The following CES5A variants were observed in gnomAD, a reference collection of about 807,000 sequenced individuals.
CES5A encodes carboxylesterase 5A, also known as carboxylesterase 5.
In CES5A, 67 loss-of-function variants were observed where a neutral mutation model predicts 62.9. That is an observed-to-expected ratio of 1.07 (90% CI 0.88 to 1.31). CES5A has a LOEUF of 1.31. Among genes scored for constraint, CES5A ranks in the 50% most tolerant of loss-of-function variants. The pLI is 0.00. For synonymous variants in CES5A, 296 were observed against 280.8 expected (o/e 1.05, Z -0.54); for missense variants, 748 against 708.5 (o/e 1.06, Z -0.63).
chr16:55,869,997 T>G (rs535701485), intron 3 of CES5A, among the ~76,000 whole-genome samples: 1 of 152,354 alleles, frequency 6.6e-6, no homozygotes, highest in South Asian at 2.1e-4. Flanking sequence ...AGGCTCATTT[T>G]TCTCATCTGT....
At chr16:55,952,380 A>G (rs2034566405) in intron 1 of CES5A, among the ~76,000 whole-genome samples, 1 of 152,052 alleles carries the variant, frequency 6.6e-6, no homozygotes, top group Non-Finnish European at 1.5e-5. Flanking sequence ...AGAAAAACAA[A>G]ATAAGCTCAG....
At chr16:55,891,064 G>T (rs147271627) in intron 1 of CES5A, among the ~76,000 whole-genome samples, 1 of 151,544 alleles carries the variant, frequency 6.6e-6, no homozygotes, top group Admixed American at 6.6e-5. Context: ...CCAATTACCT[G>T]CTCATTCTCC....
chr16:55,870,529 T>A (rs1473815937), intron 3 of CES5A, among the ~76,000 whole-genome samples: 2 of 152,114 alleles, frequency 1.3e-5, no homozygotes, highest in Non-Finnish European at 2.9e-5. Flanking sequence ...GGTGAAAGCC[T>A]GTCTCTACTA....
rs1385851560 is a variant in CES5A, at chr16:55,846,472, GA to G, written c.1706del (p.Phe569SerfsTer49). On this transcript the variant is annotated frameshift_variant, in exon 13 of 13. Coordinates refer to ENST00000290567, the MANE Select transcript of CES5A (RefSeq NM_001143685.2). LOFTEE classifies it high-confidence loss of function. ...SLTFLSLLQP[F>X]FFFCAP ...CTTCTCAAGGAGCACAAAAGAAAAA[GA>G]AAGGCTGGAGGAGAGAGAGGAAAGT... is the stretch of plus-strand genomic sequence containing the variant. The G allele has an allele frequency of 6.2e-7, 1 of 1,613,742 alleles. No homozygotes were observed.
intron 1 of CES5A, among the ~76,000 whole-genome samples, chr16:55,891,073 C>T (rs539767383): frequency 6.6e-6 from 1 of 152,238 alleles, no homozygotes; most frequent in South Asian, 2.1e-4. Context: ...TGCTCATTCT[C>T]CACCCTGACT....
intron 1 of CES5A, among the ~76,000 whole-genome samples, chr16:55,891,882 CAA>C (rs2033883325): frequency 6.6e-6 from 1 of 152,124 alleles, no homozygotes; most frequent in Non-Finnish European, 1.5e-5. Context: ...AAGAAGAAAA[CAA>C]AATATTTTAC....
intron 1 of CES5A, among the ~76,000 whole-genome samples, chr16:55,898,527 T>C (rs1199690984): frequency 6.6e-6 from 1 of 152,144 alleles, no homozygotes; most frequent in East Asian, 1.9e-4. Context: ...AAGTGAAGTA[T>C]AATGGCACAT....
In CES5A at chr16:55,846,367, G is replaced by T. The variant is rs2033007050; in HGVS notation, c.*84C>A. On this transcript the variant is annotated 3_prime_UTR_variant, in exon 13 of 13. Coordinates refer to ENST00000290567, the MANE Select transcript of CES5A (RefSeq NM_001143685.2). ...TGTTTTGCAAGGATCCCCATAGAAA[G>T]CAGCTGAGCTCAGAAAGAAGCTAAT... 2.0e-6 allele frequency: 2 copies of T among 1,025,200 alleles called. No individual in the cohort carries two copies. Among genetic ancestry groups the T allele is most frequent in the Admixed American group, 2.1e-5 (1 of 48,590 alleles). The allele number at this position is 1,025,200 out of a possible 1,614,324, so 63.5% of individuals were successfully genotyped here.
intron 1 of CES5A, among the ~76,000 whole-genome samples, chr16:55,922,511 A>C (rs1427693215): frequency 6.6e-6 from 1 of 152,002 alleles, no homozygotes; most frequent in Non-Finnish European, 1.5e-5. Flanking sequence ...ATAAATACTT[A>C]TGTATCCAGT....
intron 2 of CES5A, among the ~76,000 whole-genome samples, chr16:55,933,598 A>G (rs757558348): frequency 6.6e-6 from 1 of 152,168 alleles, no homozygotes; most frequent in East Asian, 1.9e-4. Context: ...CCTGAATTGT[A>G]TACTTTAAGT....
At chr16:55,935,107 T>C (rs1258905389) in intron 2 of CES5A, among the ~76,000 whole-genome samples, 1 of 152,172 alleles carries the variant, frequency 6.6e-6, no homozygotes, top group Non-Finnish European at 1.5e-5. Flanking sequence ...CACGCTTGGC[T>C]AATTTTTGTA....
At chr16:55,925,377 G>A (rs2034248179) in exon 1 of CES5A, 1 of 151,966 alleles carries the variant, frequency 6.6e-6, no homozygotes, top group Non-Finnish European at 1.5e-5. Context: ...GCTGGCAAGA[G>A]TGCAGAAAAC....
At chr16:55,852,076 A>G (rs149844967) in intron 10 of CES5A, among the ~76,000 whole-genome samples, 1 of 152,208 alleles carries the variant, frequency 6.6e-6, no homozygotes, top group Non-Finnish European at 1.5e-5. Flanking sequence ...TATTTTTAAT[A>G]GGTACTGATT....
At chr16:55,938,397 G>T (rs2034400765) in intron 2 of CES5A, among the ~76,000 whole-genome samples, 2 of 152,034 alleles carry the variant, frequency 1.3e-5, no homozygotes, top group Admixed American at 6.6e-5. Context: ...TCTCAAGGAA[G>T]GGGATGCTGC....
chr16:55,904,193 A>G (rs1275792002), intron 1 of CES5A, among the ~76,000 whole-genome samples: 1 of 152,246 alleles, frequency 6.6e-6, no homozygotes, highest in Non-Finnish European at 1.5e-5. Context: ...ATTTATCTGT[A>G]GAGATGAAGA....
upstream of CES5A, among the ~76,000 whole-genome samples, chr16:55,929,740 G>A (rs767371441): frequency 7.1e-4 from 108 of 152,364 alleles, 1 homozygote; most frequent in Non-Finnish European, 8.8e-5. Flanking sequence ...GTCGAATCAT[G>A]AAAGTGCAGG....
upstream of CES5A, among the ~76,000 whole-genome samples, chr16:55,876,792 A>G (rs1172494399): frequency 2.0e-5 from 3 of 152,228 alleles, no homozygotes; most frequent in Admixed American, 1.3e-4. Flanking sequence ...AAATTCCTTG[A>G]AATTGATCCA....
chr16:55,911,396 G>A (rs1237596165), intron 1 of CES5A, among the ~76,000 whole-genome samples: 3 of 152,334 alleles, frequency 2.0e-5, no homozygotes, highest in African/African-American at 7.2e-5. Context: ...ATAAGGACAA[G>A]AAGAAACGAT....
At chr16:55,946,923 C>G (rs2034501481) in intron 2 of CES5A, among the ~76,000 whole-genome samples, 1 of 152,186 alleles carries the variant, frequency 6.6e-6, no homozygotes, top group South Asian at 2.1e-4. Context: ...GCTCACCACT[C>G]AAGTCTATTT....
Sources: gnomAD v4.1 joint callset for allele counts (sites outside exome capture counted in the v4.1 genomes callset) on GRCh38, gnomAD v4.1.1 for gene constraint, MANE v1.5 for transcripts, NCBI Gene and HGNC (gene_info 2026-07-23, HGNC 2026-07-21) for gene names.